Variants in CMC2 observed in about 807,000 individuals in gnomAD.
CMC2 encodes the protein C-X9-C motif containing 2.
In CMC2, 5 loss-of-function variants were observed where a neutral mutation model predicts 7.5. The ratio of observed to expected loss-of-function variants is 0.66; its 90% CI spans 0.35 to 1.40. The LOEUF (loss-of-function observed/expected upper bound fraction) is 1.40, where lower values mean the gene tolerates loss of function less well. CMC2 is among the 40% of genes most tolerant of loss of function. CMC2 has a pLI of 0.04. For missense variants in CMC2, 115 were observed against 92.3 expected, an observed-to-expected ratio of 1.25 and a Z score of -1.01; for synonymous variants, 37 against 31.4, an observed-to-expected ratio of 1.18 and a Z score of -0.60.
In CMC2 at chr16:80,976,143, T is replaced by A. The variant is rs369812890; in HGVS notation, c.190A>T (p.Ile64Phe). Residue 64 changes from isoleucine to phenylalanine, a missense_variant, in exon 4 of 4, where the codon ATT (isoleucine) becomes TTT (phenylalanine). Physicochemically the swap from Ile to Phe is conservative, Grantham distance 21. Transcript: ENST00000219400. Reference protein sequence around the residue: ...ENRTKSREHGIAMRKKLFNPP... With the variant: ...ENRTKSREHGFAMRKKLFNPP... ...TTAAAAAGTTTCTTTCGCATTGCAA[T>A]GCCATGCTCCCTGCTCTTGGTCCTG... The A allele has an allele frequency of 6.2e-7, 1 of 1,609,990 alleles. No homozygotes were observed. Among genetic ancestry groups the A allele is most frequent in the African/African-American group, 1.3e-5 (1 of 74,870 alleles).
At chr16:80,997,646 G>T (rs748612995) in intron 1 of CMC2, 1 of 304,858 alleles carries the variant, frequency 3.3e-6, no homozygotes, top group Non-Finnish European at 6.0e-6. Flanking sequence ...AGAACCTACA[G>T]GTTCAGGAGA....
In CMC2 at chr16:80,967,664, G is replaced by C. The variant is rs1206243424; in HGVS notation, c.*8429C>G. On this transcript the variant is annotated 3_prime_UTR_variant, in exon 4 of 4. Coordinates refer to ENST00000219400, the MANE Select transcript of CMC2 (RefSeq NM_020188.5). Reference sequence around the variant, plus strand: ...TTCCTCGTACTTTTCAATATTTGTAGCAAGTCCAATCATTAGCTCAATAAT... The same window carrying C: ...TTCCTCGTACTTTTCAATATTTGTACCAAGTCCAATCATTAGCTCAATAAT... The C allele has an allele frequency of 2.6e-5, 4 of 152,120 alleles. No individual in the cohort carries two copies. The highest frequency in any genetic ancestry group is 2.6e-4 in the Admixed American group (4 of 15,276). 9.4% of individuals were successfully genotyped at this position (152,120 alleles called of 1,614,324 possible).
chr16:80,987,208 A>C (rs1248240290), intron 2 of CMC2, among the ~76,000 whole-genome samples: 1 of 152,204 alleles, frequency 6.6e-6, no homozygotes, highest in Non-Finnish European at 1.5e-5. Flanking sequence ...AACACAAGAT[A>C]CCAGAAGGCT....
chr16:80,987,361 A>C (rs566681630), intron 2 of CMC2, among the ~76,000 whole-genome samples: 1 of 152,226 alleles, frequency 6.6e-6, no homozygotes, highest in Non-Finnish European at 1.5e-5. Flanking sequence ...TAGTGAGTTT[A>C]TCTCTGGATG....
chr16:80,982,762 T>A (rs1967223766), intron 2 of CMC2: 1 of 152,508 alleles, frequency 6.6e-6, no homozygotes, highest in African/African-American at 2.4e-5. Flanking sequence ...CCTATTGCTA[T>A]TACACTGGGC....
At chr16:80,988,260 G>A (rs1204644392) in intron 2 of CMC2, among the ~76,000 whole-genome samples, 1 of 152,146 alleles carries the variant, frequency 6.6e-6, no homozygotes, top group Non-Finnish European at 1.5e-5. Flanking sequence ...CTAAGTGGTG[G>A]TGGTGTTGCT....
intron 2 of CMC2, among the ~76,000 whole-genome samples, chr16:80,985,663 G>C (rs1200189484): frequency 6.6e-6 from 1 of 151,988 alleles, no homozygotes; most frequent in Non-Finnish European, 1.5e-5. Flanking sequence ...CAAAAAGTGT[G>C]AGAACTGCCA....
chr16:80,985,901 CAAAAAAAAAAAAAAAA>C (rs57915291), intron 2 of CMC2, among the ~76,000 whole-genome samples: 1 of 104,998 alleles, frequency 9.5e-6, no homozygotes, highest in Admixed American at 1.1e-4. Flanking sequence ...CATATACCTG[CAAAAAAAAAAAAAAAA>C]ACCACAGGAA....
At chr16:80,995,010 G>T (rs984625357) in intron 2 of CMC2, among the ~76,000 whole-genome samples, 4 of 152,068 alleles carry the variant, frequency 2.6e-5, no homozygotes, top group African/African-American at 7.2e-5. Flanking sequence ...GCCAGGTGTG[G>T]TGACACACAC....
At position 81,006,873 on chromosome 16, in the gene CMC2, GTGC is replaced by G. The variant is rs1432035090; in HGVS notation, c.-178_-176del. The G allele has an allele frequency of 1.4e-4, 134 of 986,022 alleles. No individual in the cohort carries two copies. The highest frequency in any genetic ancestry group is 1.6e-4 in the Non-Finnish European group (132 of 830,524). The allele number at this position is 986,022 out of a possible 1,614,324, so 61.1% of individuals were successfully genotyped here. On this transcript the variant is annotated 5_prime_UTR_variant, in exon 1 of 4. Transcript: ENST00000219400. ...CAGTGACGCCCTCCACCGCTCCACC[GTGC>G]TCCCGGCTCCTCGCCCCCGCCGCCC...
intron 2 of CMC2, chr16:80,991,844 C>A: frequency 2.3e-6 from 1 of 431,970 alleles, no homozygotes; most frequent in South Asian, 1.6e-5. Flanking sequence ...TACCAAATAC[C>A]TGGCCATTAT....
chr16:80,980,581 T>C (rs1440271315), intron 3 of CMC2, among the ~76,000 whole-genome samples: 4 of 131,712 alleles, frequency 3.0e-5, no homozygotes, highest in Admixed American at 2.4e-4. Context: ...CAAACATTTT[T>C]AGTAAATAAT....
At position 80,975,623 on chromosome 16, in the gene CMC2, AT is replaced by A; in HGVS notation, c.*469del. ...AGTAACACTATGTCTCAAAAAAAAA[AT>A]TTTTTTTAATCATTTAGAAAATCAC... is the stretch of plus-strand genomic sequence containing the variant. On this transcript the variant is annotated 3_prime_UTR_variant, in exon 4 of 4. Transcript: ENST00000219400. 6.6e-6 allele frequency: 1 copy of A among 152,260 alleles called. No individual in the cohort carries two copies. Among genetic ancestry groups the A allele is most frequent in the East Asian group, 1.9e-4 (1 of 5,146 alleles). The allele number at this position is 152,260 out of a possible 1,614,324, so 9.4% of individuals were successfully genotyped here.
rs1912257627 is a variant in CMC2, at chr16:80,975,862, A to AG, written c.*230dup. On this transcript the variant is annotated 3_prime_UTR_variant, in exon 4 of 4. Transcript: ENST00000219400. ...TCAGATATTAACTGGTTGTAGGCAA[A>AG]GGGAATAAACATGGTGAAGTCAGGT... is the stretch of plus-strand genomic sequence containing the variant. 3 of 385,770 alleles carry AG rather than the reference A, an allele frequency of 7.8e-6. No individual in the cohort carries two copies. The Admixed American group carries it at 1.2e-4, about 16-fold the overall frequency. 23.9% of individuals were successfully genotyped at this position (385,770 alleles called of 1,614,324 possible).
intron 3 of CMC2, among the ~76,000 whole-genome samples, chr16:80,979,854 T>G (rs2151618052): frequency 6.6e-6 from 1 of 152,246 alleles, no homozygotes; most frequent in East Asian, 1.9e-4. Context: ...ACTCCTGACC[T>G]CAGGTGATCC....
intron 3 of CMC2, among the ~76,000 whole-genome samples, chr16:80,978,735 G>C (rs1391193058): frequency 1.3e-5 from 2 of 152,042 alleles, no homozygotes; most frequent in Non-Finnish European, 2.9e-5. Context: ...AGAATAAAAG[G>C]AGTGACACAG....
At chr16:80,992,316 A>G (rs1312944243) in intron 2 of CMC2, among the ~76,000 whole-genome samples, 1 of 152,244 alleles carries the variant, frequency 6.6e-6, no homozygotes, top group African/African-American at 2.4e-5. Context: ...ACTGCAGTAA[A>G]TAACTCTATG....
intron 3 of CMC2, chr16:80,981,013 A>G (rs1967069703): frequency 4.8e-6 from 2 of 413,756 alleles, no homozygotes; most frequent in Non-Finnish European, 8.6e-6. Context: ...GCCTAAGCAG[A>G]AAACAAAATC....
Position 80,973,933 on chromosome 16 carries a change from T to C in CMC2, c.*2160A>G, listed in dbSNP as rs1411333898. The C allele has an allele frequency of 6.6e-6, 1 of 152,202 alleles. No individual in the cohort carries two copies. The highest frequency in any genetic ancestry group is 1.5e-5 in the Non-Finnish European group (1 of 68,044). The allele number at this position is 152,202 out of a possible 1,614,324, so 9.4% of individuals were successfully genotyped here. Reference sequence around the variant, plus strand: ...TTAAGAATGAACTTCCAAAGTTTCATCCTGCTCTTATGGTCAGCTACTGAC... The same window carrying C: ...TTAAGAATGAACTTCCAAAGTTTCACCCTGCTCTTATGGTCAGCTACTGAC... On this transcript the variant is annotated 3_prime_UTR_variant, in exon 4 of 4. Coordinates refer to ENST00000219400, the MANE Select transcript of CMC2 (RefSeq NM_020188.5).
Sources: gnomAD v4.1 joint callset for allele counts (sites outside exome capture counted in the v4.1 genomes callset) on GRCh38, gnomAD v4.1.1 for gene constraint, MANE v1.5 for transcripts, NCBI Gene and HGNC (gene_info 2026-07-23, HGNC 2026-07-21) for gene names.